The following MYH11 variants were observed in gnomAD, a reference collection of about 807,000 sequenced individuals.
MYH11 encodes myosin heavy chain 11, also known as myosin-11.
Under a neutral mutation model 246.6 loss-of-function variants are expected in MYH11, and 80 were observed. The ratio of observed to expected loss-of-function variants is 0.32; its 90% confidence interval spans 0.27 to 0.39. The LOEUF (loss-of-function observed/expected upper bound fraction) is 0.39. Ranked by LOEUF, MYH11 falls within the 10% of genes least tolerant of loss-of-function variation. The probability of loss-of-function intolerance (pLI) is 1.00; values close to 1 mark genes in which losing one functional copy is unlikely to be tolerated. For synonymous variants in MYH11, 1,071 were observed against 1,015.5 expected, an observed-to-expected ratio of 1.05 and a Z score of -1.04; for missense variants, 2,158 against 2,546.8, an observed-to-expected ratio of 0.85 and a Z score of 3.29.
intron 9 of MYH11, among the ~76,000 whole-genome samples, chr16:15,768,306 A>C (rs1361022153): frequency 1.3e-5 from 2 of 152,198 alleles, no homozygotes; most frequent in Admixed American, 6.5e-5. Flanking sequence ...ATACATTAGA[A>C]GCAGTATAAC....
chr16:15,856,390 CT>C (rs1231823956), intron 1 of MYH11, among the ~76,000 whole-genome samples: 3 of 150,668 alleles, frequency 2.0e-5, no homozygotes, highest in African/African-American at 7.3e-5. Flanking sequence ...GTGTTTTTAA[CT>C]GATTTAATGC....
chr16:15,816,005 C>G (rs1212217820), intron 3 of MYH11, among the ~76,000 whole-genome samples: 1 of 152,150 alleles, frequency 6.6e-6, no homozygotes, highest in Non-Finnish European at 1.5e-5. Flanking sequence ...ATTTTAAACC[C>G]AACTAAACTA....
rs554317504 is a variant in MYH11, at chr16:15,788,443, C to T, written c.531-1711G>A. On this transcript the variant is annotated intron_variant, in intron 4 of 40. Transcript: ENST00000300036. ...GCCACCAAAGCTAGTACAGTCTCTG[C>T]TCTTCTTCCTAATTAGGAAATAAAG... Among the ~76,000 whole-genome samples, 10 of 151,962 alleles carry T rather than the reference C, an allele frequency of 6.6e-5. No individual in the cohort carries two copies. The East Asian group carries it at 1.9e-3, about 29-fold the overall frequency.
chr16:15,760,560 T>C lies in MYH11; in HGVS notation c.1228A>G (p.Lys410Glu). 6.2e-7 allele frequency: 1 copy of C among 1,612,830 alleles called. No individual in the cohort carries two copies. The highest frequency in any genetic ancestry group is 8.5e-7 in the Non-Finnish European group (1 of 1,178,786). The stretch of plus-strand genomic sequence containing the variant: ...ATTACCTGTTCTTTTGTCTGAGCTT[T>C]CTGTACCACATCTCGCCCAACCTTG... Reference protein sequence around the residue: ...RIKVGRDVVQKAQTKEQADFA... With the variant: ...RIKVGRDVVQEAQTKEQADFA... The change falls in exon 11 of 41, where the codon AAA (lysine) becomes GAA (glutamate). Residue 410 changes from lysine to glutamate, a missense_variant. Lys to Glu is a moderately conservative substitution (Grantham distance 56). Transcript: ENST00000300036.
Position 15,750,239 on chromosome 16 carries a change from C to A in MYH11, c.1957G>T (p.Val653Leu), listed in dbSNP as rs1237354544. Reference protein sequence around the residue: ...SKTKKGMFRTVGQLYKEQLGK... With the variant: ...SKTKKGMFRTLGQLYKEQLGK... ...AGCTGCTCCTTGTACAGCTGCCCCACTGTGCGGAACATGCCCTTCTTGGTC... is the reference window on the plus strand; with the variant it reads ...AGCTGCTCCTTGTACAGCTGCCCCAATGTGCGGAACATGCCCTTCTTGGTC... Residue 653 changes from valine (V) to leucine (L), a missense_variant, in exon 16 of 41, where the codon GTG becomes TTG. Coordinates refer to ENST00000300036, the MANE Select transcript of MYH11 (RefSeq NM_002474.3). The surrounding 1 kb of genome is among the most constrained non-coding windows in gnomAD (Gnocchi z 4.3). 6 of 1,614,226 alleles carry A rather than the reference C, an allele frequency of 3.7e-6. No individual in the cohort carries two copies. The South Asian group carries it at 6.6e-5, about 18-fold the overall frequency.
At chr16:15,726,359 G>C (rs1322431408) in intron 28 of MYH11, 2 of 172,244 alleles carry the variant, frequency 1.2e-5, no homozygotes, top group East Asian at 3.0e-4. Context: ...GAAAAGGAAG[G>C]GTTTTTTTTC....
intron 3 of MYH11, among the ~76,000 whole-genome samples, chr16:15,820,034 T>C (rs1262746882): frequency 6.6e-6 from 1 of 152,060 alleles, no homozygotes; most frequent in Non-Finnish European, 1.5e-5. Context: ...GTCAGTGGCC[T>C]TGGAAAGGCC....
chr16:15,809,957 A>C (rs2043101194), intron 3 of MYH11, among the ~76,000 whole-genome samples: 1 of 152,104 alleles, frequency 6.6e-6, no homozygotes, highest in African/African-American at 2.4e-5. Flanking sequence ...GGTGTTGCCA[A>C]GTGTCAGCTG....
chr16:15,788,836 G>A (rs1373449412), intron 4 of MYH11, among the ~76,000 whole-genome samples: 1 of 151,544 alleles, frequency 6.6e-6, no homozygotes, highest in Admixed American at 6.6e-5. Flanking sequence ...GTGTGTGTGT[G>A]TGTGTAAAAG....
At chr16:15,753,866 T>C (rs1025757223) in intron 14 of MYH11, among the ~76,000 whole-genome samples, 3 of 152,054 alleles carry the variant, frequency 2.0e-5, no homozygotes, top group East Asian at 1.9e-4. Context: ...CCTGCCGACA[T>C]GCAAAACTCC....
intron 2 of MYH11, among the ~76,000 whole-genome samples, chr16:15,825,275 G>A (rs921736644): frequency 2.0e-5 from 3 of 151,562 alleles, no homozygotes; most frequent in Non-Finnish European, 2.9e-5. Context: ...GGGGCCAAGT[G>A]TAGTGGCTCA....
At chr16:15,718,853 C>T in intron 36 of MYH11, 1 of 405,472 alleles carries the variant, frequency 2.5e-6, no homozygotes, top group Non-Finnish European at 4.6e-6. Context: ...CAGGGCCAGG[C>T]ACGGTGGCTC....
chr16:15,703,482 C>T lies in MYH11; in HGVS notation c.*509G>A, dbSNP rs1197605093. 3.8e-6 allele frequency: 1 copy of T among 266,600 alleles called. No homozygotes were observed. The highest frequency in any genetic ancestry group is 2.2e-5 in the African/African-American group (1 of 46,208). 16.5% of individuals were successfully genotyped at this position (266,600 alleles called of 1,614,324 possible). A position where few individuals can be genotyped will look rare whatever the true frequency, so the allele number is the denominator to read the frequency against. ...TTTTTCTAAAAACTCAGTGTCTGCA[C>T]AATCCATTGATAGAACTGGAGGATG... On this transcript the variant is annotated 3_prime_UTR_variant, in exon 41 of 41. Coordinates refer to ENST00000300036, the MANE Select transcript of MYH11 (RefSeq NM_002474.3).
intron 2 of MYH11, among the ~76,000 whole-genome samples, chr16:15,832,049 G>A (rs1360840550): frequency 6.6e-6 from 1 of 152,096 alleles, no homozygotes; most frequent in Non-Finnish European, 1.5e-5. Flanking sequence ...GCACCCAGGA[G>A]GCCTCTGTTC....
chr16:15,713,261 T>C (rs947385414), intron 40 of MYH11: 3 of 151,754 alleles, frequency 2.0e-5, no homozygotes, highest in Admixed American at 6.6e-5. Context: ...GGAAAAAAAA[T>C]AGAAGTGTAC....
intron 4 of MYH11, among the ~76,000 whole-genome samples, chr16:15,790,546 G>A (rs777813976): frequency 2.6e-5 from 4 of 152,154 alleles, no homozygotes; most frequent in African/African-American, 9.7e-5. Flanking sequence ...GCTCGTGGGC[G>A]TCTGAAGGTT....
chr16:15,751,509 T>G (rs1473681176), intron 15 of MYH11, among the ~76,000 whole-genome samples: 1 of 151,860 alleles, frequency 6.6e-6, no homozygotes, highest in Non-Finnish European at 1.5e-5. Context: ...TCCAAGGTTC[T>G]TTTTCTACCA....
Position 15,740,090 on chromosome 16 carries a change from C to A in MYH11, c.2958G>T (p.Glu986Asp), listed in dbSNP as rs774274573. The A allele has an allele frequency of 1.2e-6, 2 of 1,614,212 alleles. No individual in the cohort carries two copies. Among genetic ancestry groups the A allele is most frequent in the Non-Finnish European group, 8.5e-7 (1 of 1,180,034 alleles). ...AEAKIKKLED[E>D]ILVMDDQNNK... ...TGTTCTGATCATCCATGACCAGGATCTCATCCTCCAGTTTCTTGATCTTGG... is the reference window on the plus strand; with the variant it reads ...TGTTCTGATCATCCATGACCAGGATATCATCCTCCAGTTTCTTGATCTTGG... The change falls in exon 23 of 41, where the codon GAG becomes GAT. Residue 986 changes from glutamate to aspartate, a missense_variant. Physicochemically the swap from Glu to Asp is conservative, Grantham distance 45. This residue lies in a region of MYH11 where 284 missense variants were observed against 315.4 expected (regional missense o/e 0.90). Transcript: ENST00000300036.
At chr16:15,726,673 G>GT (rs1311181667) in intron 28 of MYH11, 175 bp downstream of exon 28, 32 of 798,602 alleles carry the variant, frequency 4.0e-5, no homozygotes, top group South Asian at 7.7e-5. Context: ...TGGCCAGAAG[G>GT]TTTTTTTAAT....
Sources: gnomAD v4.1 joint callset for allele counts (sites outside exome capture counted in the v4.1 genomes callset) on GRCh38, gnomAD v4.1.1 for gene constraint, gnomAD v4.1.1 regional missense constraint, Gnocchi (gnomAD v3.1) non-coding constraint, MANE v1.5 for transcripts, NCBI Gene and HGNC (gene_info 2026-07-23, HGNC 2026-07-21) for gene names.